Variants in DPH6 observed in about 807,000 individuals in gnomAD.
The protein encoded by DPH6 is diphthamine biosynthesis 6, also known as diphthine--ammonia ligase.
DPH6 carries 33 observed loss-of-function variants against 38.2 expected under a neutral mutation model. The observed-to-expected ratio is 0.86, with a 90% confidence interval of 0.65 to 1.15. The LOEUF (loss-of-function observed/expected upper bound fraction) is 1.15. Among genes scored for constraint, DPH6 ranks in the 50% most tolerant of loss-of-function variants. The pLI is 0.00. For missense variants in DPH6, 325 were observed against 320.0 expected, an observed-to-expected ratio of 1.02 and a Z score of -0.12; for synonymous variants, 108 against 103.0, an observed-to-expected ratio of 1.05 and a Z score of -0.30.
At chr15:35,333,558 T>C (rs1448981557) in intron 3 of DPH6, among the ~76,000 whole-genome samples, 3 of 152,150 alleles carry the variant, frequency 2.0e-5, no homozygotes, top group Non-Finnish European at 4.4e-5. Flanking sequence ...AATAACCTTG[T>C]CCAAAACTGG....
intron 6 of DPH6, chr15:35,401,198 A>AATGGT (rs2053214418): frequency 8.2e-7 from 1 of 1,216,894 alleles, no homozygotes; most frequent in Non-Finnish European, 1.2e-6. Flanking sequence ...GCCCTGTCAA[A>AATGGT]CCAAGAGATG....
rs186740656 is a variant in DPH6, at chr15:35,421,156, C to T, written c.506-10260G>A. Among the ~76,000 whole-genome samples, 155 of 152,202 alleles carry T rather than the reference C, an allele frequency of 1.0e-3. 1 individual carries two copies. Among genetic ancestry groups the T allele is most frequent in the African/African-American group, 3.6e-3 (150 of 41,526 alleles). On this transcript the variant is annotated intron_variant, in intron 5 of 8. Transcript: ENST00000256538. ...AGATTGAATCAGTCATTAAAAGTCTCCCATCAAACAAATGCCCAGGATCAG... is the reference window on the plus strand; with the variant it reads ...AGATTGAATCAGTCATTAAAAGTCTTCCATCAAACAAATGCCCAGGATCAG...
chr15:35,327,908 C>T (rs2052297889), downstream of DPH6, among the ~76,000 whole-genome samples: 1 of 152,178 alleles, frequency 6.6e-6, no homozygotes, highest in Non-Finnish European at 1.5e-5. Flanking sequence ...TATACCATGA[C>T]CACTTGACTC....
intron 3 of DPH6, among the ~76,000 whole-genome samples, chr15:35,355,784 G>A (rs2052554564): frequency 6.6e-6 from 1 of 152,126 alleles, no homozygotes; most frequent in African/African-American, 2.4e-5. Context: ...TTCTCAAGGA[G>A]TGTCTTTGTG....
chr15:35,269,730 C>T (rs1315003707), intron 3 of DPH6, among the ~76,000 whole-genome samples: 1 of 150,280 alleles, frequency 6.7e-6, no homozygotes, highest in Admixed American at 6.6e-5. Flanking sequence ...AGCCACCGCG[C>T]CCGGCCAGGA....
intron 3 of DPH6, among the ~76,000 whole-genome samples, chr15:35,506,923 A>G (rs764951133): frequency 2.0e-5 from 3 of 150,684 alleles, no homozygotes; most frequent in Non-Finnish European, 2.9e-5. Context: ...AATAAATTCT[A>G]GTGACAGTGT....
intron 3 of DPH6, chr15:35,237,291 C>A: frequency 6.5e-7 from 1 of 1,548,144 alleles, no homozygotes; most frequent in Non-Finnish European, 8.9e-7. Context: ...GATTGAATTC[C>A]AGCGGCGCGG....
chr15:35,222,264 C>G (rs1206547750), intron 3 of DPH6, among the ~76,000 whole-genome samples: 5 of 152,184 alleles, frequency 3.3e-5, no homozygotes, highest in Admixed American at 6.5e-5. Flanking sequence ...CAAAACTGTT[C>G]TACCTGCTAC....
Position 35,263,993 on chromosome 15 carries a change from G to A in DPH6, n.201-43411C>T, listed in dbSNP as rs537769255. Among the ~76,000 whole-genome samples, 3 of 151,982 alleles carry A rather than the reference G, an allele frequency of 2.0e-5. No homozygotes were observed. The South Asian group carries it at 6.2e-4, about 32-fold the overall frequency. ...CTCACAAAGTGCTAGGATTACAGGC[G>A]TGAGCCACCGCGCCCAACATAGTTT... is the stretch of plus-strand genomic sequence containing the variant. On this transcript the variant is annotated intron_variant and non_coding_transcript_variant, in intron 3 of 3. Coordinates refer to the DPH6 transcript ENST00000560386.
At chr15:35,395,462 C>T (rs2053118561) in intron 6 of DPH6, among the ~76,000 whole-genome samples, 1 of 152,188 alleles carries the variant, frequency 6.6e-6, no homozygotes, top group South Asian at 2.1e-4. Flanking sequence ...ATCTCTCAAG[C>T]CTCTTCATGA....
intron 5 of DPH6, among the ~76,000 whole-genome samples, chr15:35,431,062 A>G (rs1417917272): frequency 6.6e-6 from 1 of 152,036 alleles, no homozygotes; most frequent in East Asian, 1.9e-4. Context: ...ACTCTCAATA[A>G]TTTTTAAAGG....
At chr15:35,257,137 A>T (rs1232020697) in intron 3 of DPH6, among the ~76,000 whole-genome samples, 1 of 152,220 alleles carries the variant, frequency 6.6e-6, no homozygotes, top group African/African-American at 2.4e-5. Context: ...ATGGGCAGGC[A>T]TCACCATGAA....
At chr15:35,163,095 C>T in the DPH6 span, among the ~76,000 whole-genome samples, 111 of 151,956 alleles carry the variant, frequency 7.3e-4, no homozygotes, top group Admixed American at 2.2e-3. Flanking sequence ...AGGTGAAAGA[C>T]GTTGGTTCTA....
At chr15:35,292,189 C>T (rs747611319) in intron 3 of DPH6, among the ~76,000 whole-genome samples, 7 of 152,022 alleles carry the variant, frequency 4.6e-5, no homozygotes, top group Non-Finnish European at 8.8e-5. Context: ...GAAAAAATTG[C>T]CATGCTAAAA....
chr15:35,387,940 T>G (rs1405856383), intron 6 of DPH6, among the ~76,000 whole-genome samples: 7 of 152,210 alleles, frequency 4.6e-5, no homozygotes, highest in African/African-American at 1.7e-4. Context: ...AGGGAATGCT[T>G]CCAGTTTTTG....
the DPH6 span, among the ~76,000 whole-genome samples, chr15:35,146,822 C>A: frequency 6.6e-6 from 1 of 152,106 alleles, no homozygotes; most frequent in Non-Finnish European, 1.5e-5. Flanking sequence ...TGGTGAATAT[C>A]TACCATGACC....
At chr15:35,477,315 G>C (rs2054274437) in intron 3 of DPH6, among the ~76,000 whole-genome samples, 1 of 151,560 alleles carries the variant, frequency 6.6e-6, no homozygotes, top group South Asian at 2.1e-4. Flanking sequence ...GAGGGGAGTG[G>C]ATTTTCTCTT....
chr15:35,218,628 T>C lies in DPH6; in HGVS notation n.2155A>G, dbSNP rs551271806. 5 of 152,354 alleles carry C rather than the reference T, an allele frequency of 3.3e-5. No homozygotes were observed. In the East Asian group the frequency reaches 9.6e-4, roughly 29 times the overall value. 9.4% of individuals were successfully genotyped at this position (152,354 alleles called of 1,614,324 possible). ...ATTAATGCTACAAAGTGGCCAACTT[T>C]TTATTTAACATATGATAATCCTCTC... On this transcript the variant is annotated non_coding_transcript_exon_variant, in exon 4 of 4. Transcript: ENST00000560386.
At chr15:35,527,945 G>A (rs1012863557) in intron 3 of DPH6, among the ~76,000 whole-genome samples, 1 of 152,140 alleles carries the variant, frequency 6.6e-6, no homozygotes, top group East Asian at 1.9e-4. Flanking sequence ...TGAGAGACTG[G>A]AGAAAGACCA....
Sources: allele counts gnomAD v4.1 joint callset (sites outside exome capture counted in the v4.1 genomes callset), GRCh38; gene constraint gnomAD v4.1.1; transcripts MANE v1.5; gene names NCBI Gene and HGNC (gene_info 2026-07-23, HGNC 2026-07-21).